The following TOP1 variants were observed in gnomAD, a reference collection of about 807,000 sequenced individuals.
TOP1 encodes DNA topoisomerase I, also known as DNA topoisomerase 1.
In TOP1, 10 loss-of-function variants were observed where a neutral mutation model predicts 111.1. The ratio of observed to expected loss-of-function variants is 0.09; its 90% CI spans 0.06 to 0.15. TOP1 has a LOEUF of 0.15. TOP1 is among the 10% of genes least tolerant of loss of function. The pLI is 1.00. For missense variants in TOP1, 474 were observed against 926.7 expected, an observed-to-expected ratio of 0.51 and a Z score of 6.34; for synonymous variants, 271 against 302.9, an observed-to-expected ratio of 0.89 and a Z score of 1.10.
Position 41,110,649 on chromosome 20 carries a change from A to G in TOP1, c.1309-2133A>G, listed in dbSNP as rs902863747. On this transcript the variant is annotated intron_variant, in intron 13 of 20. Coordinates refer to ENST00000361337, the MANE Select transcript of TOP1 (RefSeq NM_003286.4). This position sits in a 1 kb window ranked among gnomAD's most constrained non-coding sequence, Gnocchi z 4.2. ...CTAGTTTTAAAAAGTCATCCAAAGA[A>G]TGTCATCTACAATCAGTTAAATTAG... Among the ~76,000 whole-genome samples the G allele has an allele frequency of 1.3e-5, 2 of 152,342 alleles. No homozygotes were observed. Among genetic ancestry groups the G allele is most frequent in the Admixed American group, 6.5e-5 (1 of 15,306 alleles).
rs966547831 is a variant in TOP1 at position 41,082,490 on chromosome 20, G to C, written c.507+1250G>C. Reference sequence around the variant, plus strand: ...GCCAGCATTTGATCCCATGCAGTCTGACTTCAGTGCCAGCACACCAGCTAC... The same window carrying C: ...GCCAGCATTTGATCCCATGCAGTCTCACTTCAGTGCCAGCACACCAGCTAC... On this transcript the variant is annotated intron_variant, in intron 7 of 20. Transcript: ENST00000361337. The surrounding 1 kb of genome is among the most constrained non-coding windows in gnomAD (Gnocchi z 4.1). Among the ~76,000 whole-genome samples the C allele has an allele frequency of 1.2e-4, 18 of 152,202 alleles. No individual in the cohort carries two copies. The highest frequency in any genetic ancestry group is 3.4e-4 in the African/African-American group (14 of 41,450).
chr20:41,084,466 G>A lies in TOP1; in HGVS notation c.512G>A (p.Gly171Asp). The change falls in exon 8 of 21, where the codon GGT (glycine) becomes GAT (aspartate). Residue 171 changes from glycine to aspartate, a missense_variant. Physicochemically the swap from Gly to Asp is moderately conservative, Grantham distance 94. Around this residue, in one of 14 missense-constraint regions of TOP1, gnomAD observed 185 missense variants for 226.3 expected, o/e 0.82. Transcript: ENST00000361337. ...KKRKLEEEED[G>D]KLKKPKNKDK... The stretch of plus-strand genomic sequence containing the variant: ...TCTCACCATGTTTCTTTGTAGGATG[G>A]TAAATTGAAAAAACCCAAGAATAAA... The A allele has an allele frequency of 1.9e-6, 3 of 1,544,642 alleles. No homozygotes were observed. The highest frequency in any genetic ancestry group is 2.3e-5 in the East Asian group (1 of 43,542).
In TOP1 at chr20:41,030,119, T is replaced by C. The variant is rs567268946; in HGVS notation, c.58+664T>C. Among the ~76,000 whole-genome samples, 7 of 152,322 alleles carry C rather than the reference T, an allele frequency of 4.6e-5. No homozygotes were observed. Among genetic ancestry groups the C allele is most frequent in the African/African-American group, 1.4e-4 (6 of 41,580 alleles). The stretch of plus-strand genomic sequence containing the variant: ...AGTTCTTTATATTTCCAGGTTGTTT[T>C]TCCCAAGTTACGTTCTTTGCAAAGG... On this transcript the variant is annotated intron_variant, in intron 2 of 20. Coordinates refer to ENST00000361337, the MANE Select transcript of TOP1 (RefSeq NM_003286.4). This position sits in a 1 kb window ranked among gnomAD's most constrained non-coding sequence, Gnocchi z 4.1.
intron 2 of TOP1, among the ~76,000 whole-genome samples, chr20:41,059,581 C>A (rs1002734414): frequency 2.0e-5 from 3 of 151,854 alleles, no homozygotes; most frequent in Non-Finnish European, 4.4e-5. Flanking sequence ...AAATGAGACT[C>A]TTTCCCTGCC....
At chr20:41,066,293 T>C (rs2033606063) in intron 3 of TOP1, among the ~76,000 whole-genome samples, 1 of 151,860 alleles carries the variant, frequency 6.6e-6, no homozygotes, top group Non-Finnish European at 1.5e-5. Context: ...GAAGAAATCC[T>C]CATCCTTGTA....
In TOP1 at chr20:41,061,261, T is replaced by C. The variant is rs1351478802; in HGVS notation, c.59-133T>C. ...GGCTTCTTTGTGAAAGCTTTTTTTT[T>C]CAGTGGCATGTGCTATTATGCCTAC... On this transcript the variant is annotated intron_variant, in intron 2 of 20. Coordinates refer to ENST00000361337, the MANE Select transcript of TOP1 (RefSeq NM_003286.4). This position sits in a 1 kb window ranked among gnomAD's most constrained non-coding sequence, Gnocchi z 4.6. The C allele has an allele frequency of 5.4e-6, 4 of 742,496 alleles. No individual in the cohort carries two copies. Among genetic ancestry groups the C allele is most frequent in the African/African-American group, 5.3e-5 (3 of 57,112 alleles). 46.0% of individuals were successfully genotyped at this position (742,496 alleles called of 1,614,324 possible).
Position 41,097,525 on chromosome 20 carries a change from G to A in TOP1, c.852+184G>A, listed in dbSNP as rs900763244. The stretch of plus-strand genomic sequence containing the variant: ...TATGTAGGGTTTCTGTCCAACAAGA[G>A]TACTTGTATATCTTTGCTATTGGCT... On this transcript the variant is annotated intron_variant, in intron 10 of 20. Transcript: ENST00000361337. This position sits in a 1 kb window ranked among gnomAD's most constrained non-coding sequence, Gnocchi z 4.2. 3.9e-5 allele frequency among the ~76,000 whole-genome samples: 6 copies of A among 152,136 alleles called. No homozygotes were observed. Among genetic ancestry groups the A allele is most frequent in the Non-Finnish European group, 5.9e-5 (4 of 68,028 alleles).
Position 41,030,080 on chromosome 20 carries a change from G to A in TOP1, c.58+625G>A, listed in dbSNP as rs1821798734. ...TAGGAATTATGGCTCTAAAACTAAA[G>A]CCACGCTTTGTGGAGTTCTTTATAT... On this transcript the variant is annotated intron_variant, in intron 2 of 20. Coordinates refer to ENST00000361337, the MANE Select transcript of TOP1 (RefSeq NM_003286.4). This position sits in a 1 kb window ranked among gnomAD's most constrained non-coding sequence, Gnocchi z 4.1. Among the ~76,000 whole-genome samples the A allele has an allele frequency of 6.6e-6, 1 of 151,952 alleles. No homozygotes were observed. Among genetic ancestry groups the A allele is most frequent in the Non-Finnish European group, 1.5e-5 (1 of 67,980 alleles).
At chr20:41,037,254 A>G (rs760283215) in intron 2 of TOP1, among the ~76,000 whole-genome samples, 1 of 152,228 alleles carries the variant, frequency 6.6e-6, no homozygotes, top group Non-Finnish European at 1.5e-5. Flanking sequence ...TCAACCATTT[A>G]ATAGAATTAT....
At chr20:41,031,326 T>C (rs1157952136) in intron 2 of TOP1, among the ~76,000 whole-genome samples, 1 of 152,218 alleles carries the variant, frequency 6.6e-6, no homozygotes, top group African/African-American at 2.4e-5. Context: ...GGATCTTTAA[T>C]ATGGAATGTG....
chr20:41,077,782 C>G (rs911013908), intron 5 of TOP1, 145 bp downstream of exon 5: 1 of 693,354 alleles, frequency 1.4e-6, no homozygotes, highest in Non-Finnish European at 2.5e-6. Flanking sequence ...TGAGAAGACT[C>G]GGTCTAAGCC....
chr20:41,087,111 G>GT (rs2033858878), intron 8 of TOP1, among the ~76,000 whole-genome samples: 1 of 152,174 alleles, frequency 6.6e-6, no homozygotes, highest in Non-Finnish European at 1.5e-5. Flanking sequence ...CCGCAGACCT[G>GT]TTTGTCTTTA....
In TOP1 at chr20:41,100,662, G is replaced by C. The variant is rs891512262; in HGVS notation, c.1163+419G>C. Reference sequence around the variant, plus strand: ...AGATGGAAGGTTAATTCTTACCTTAGATCTTAGCAACTTCACCATACAGTT... The same window carrying C: ...AGATGGAAGGTTAATTCTTACCTTACATCTTAGCAACTTCACCATACAGTT... On this transcript the variant is annotated intron_variant, in intron 12 of 20. Coordinates refer to ENST00000361337, the MANE Select transcript of TOP1 (RefSeq NM_003286.4). The surrounding 1 kb of genome is among the most constrained non-coding windows in gnomAD (Gnocchi z 4.4). 4.2e-5 allele frequency: 7 copies of C among 166,270 alleles called. No individual in the cohort carries two copies. The highest frequency in any genetic ancestry group is 4.2e-4 in the Admixed American group (7 of 16,790). 10.3% of individuals were successfully genotyped at this position (166,270 alleles called of 1,614,324 possible).
chr20:41,038,234 C>T (rs1297936240), intron 2 of TOP1, among the ~76,000 whole-genome samples: 1 of 152,140 alleles, frequency 6.6e-6, no homozygotes, highest in Non-Finnish European at 1.5e-5. Context: ...AGTTCTTGAG[C>T]TTCTGCTCAA....
rs138676039 is a variant in TOP1 at position 41,094,107 on chromosome 20, G to T, written c.730+1520G>T. Among the ~76,000 whole-genome samples, 329 of 152,034 alleles carry T rather than the reference G, an allele frequency of 2.2e-3. 1 individual carries two copies. The highest frequency in any genetic ancestry group is 6.5e-3 in the African/African-American group (270 of 41,488). ...AACATATTTATTGAATGTATTTGTG[G>T]TCAGACACCAAGACCCAGCAGTGGA... On this transcript the variant is annotated intron_variant, in intron 9 of 20. Transcript: ENST00000361337. This position sits in a 1 kb window ranked among gnomAD's most constrained non-coding sequence, Gnocchi z 4.4.
At position 41,029,481 on chromosome 20, in the gene TOP1, CG is replaced by C. The variant is rs2122578542; in HGVS notation, c.58+30del. ...GTGAGTGTGCCCCCTGCGCCGACTC[CG>C]GGGCCCCCCAGCCGCCGGCCGCCTC... On this transcript the variant is annotated intron_variant, in intron 2 of 20. Transcript: ENST00000361337. The surrounding 1 kb of genome is among the most constrained non-coding windows in gnomAD (Gnocchi z 6.1). 6.4e-7 allele frequency: 1 copy of C among 1,553,082 alleles called. No individual in the cohort carries two copies.
chr20:41,096,709 TA>T (rs1026149417), intron 9 of TOP1, among the ~76,000 whole-genome samples: 1 of 152,180 alleles, frequency 6.6e-6, no homozygotes, highest in African/African-American at 2.4e-5. Flanking sequence ...TATGGATATA[TA>T]TTTTTTTATT....
chr20:41,087,032 A>G (rs551122330), intron 8 of TOP1, among the ~76,000 whole-genome samples: 1 of 152,214 alleles, frequency 6.6e-6, no homozygotes, highest in Non-Finnish European at 1.5e-5. Context: ...TCCTTATGCT[A>G]TCCTACTAAA....
intron 2 of TOP1, among the ~76,000 whole-genome samples, chr20:41,051,909 G>A (rs1033320511): frequency 7.2e-5 from 11 of 152,120 alleles, no homozygotes; most frequent in African/African-American, 2.2e-4. Context: ...TGGTTGTACC[G>A]CATTGACAGT....
Sources: gnomAD v4.1 joint callset for allele counts (sites outside exome capture counted in the v4.1 genomes callset) on GRCh38, gnomAD v4.1.1 for gene constraint, gnomAD v4.1.1 regional missense constraint, Gnocchi (gnomAD v3.1) non-coding constraint, MANE v1.5 for transcripts, NCBI Gene and HGNC (gene_info 2026-07-23, HGNC 2026-07-21) for gene names.